The following CADPS variants were observed in gnomAD, a reference collection of about 807,000 sequenced individuals.
The protein encoded by CADPS is calcium-dependent secretion activator 1.
A neutral mutation model predicts 167.3 loss-of-function variants in CADPS; 57 were observed. The observed-to-expected ratio is 0.34, with a 90% CI of 0.28 to 0.42. The LOEUF is 0.42. Ranked by LOEUF, CADPS falls within the 20% of genes least tolerant of loss-of-function variation. CADPS has a pLI of 1.00. For synonymous variants in CADPS, 676 were observed against 635.3 expected (o/e 1.06, Z -0.96); for missense variants, 1,414 against 1,738.1 (o/e 0.81, Z 3.32).
chr3:62,726,618 A>T (rs555790583), intron 3 of CADPS, among the ~76,000 whole-genome samples: 1 of 152,026 alleles, frequency 6.6e-6, no homozygotes, highest in African/African-American at 2.4e-5. Flanking sequence ...AAGATTGCTC[A>T]GTGTCTGGTT....
chr3:62,436,032 C>T (rs1318961796), intron 28 of CADPS, among the ~76,000 whole-genome samples: 1 of 152,070 alleles, frequency 6.6e-6, no homozygotes, highest in African/African-American at 2.4e-5. Context: ...AACAGTCAGG[C>T]AAGTCCAGTT....
rs908451734 is a variant in CADPS at position 62,841,409 on chromosome 3, C to G, written c.441+33180G>C. Among the ~76,000 whole-genome samples, 8 of 152,092 alleles carry G rather than the reference C, an allele frequency of 5.3e-5. 1 individual carries two copies. In the South Asian group the frequency reaches 6.2e-4, roughly 12 times the overall value. On this transcript the variant is annotated intron_variant, in intron 1 of 29. Coordinates refer to ENST00000383710, the MANE Select transcript of CADPS (RefSeq NM_003716.4). ...GTACTTATTTTGGCACTTGAGTCTG[C>G]AAAATACAAAGTATTTCATATTAAA... is the stretch of plus-strand genomic sequence containing the variant.
At chr3:62,598,666 T>A (rs1473824189) in intron 6 of CADPS, among the ~76,000 whole-genome samples, 1 of 152,156 alleles carries the variant, frequency 6.6e-6, no homozygotes, top group Non-Finnish European at 1.5e-5. Context: ...ACCTCCAGAG[T>A]TATAAATGAG....
intron 26 of CADPS, among the ~76,000 whole-genome samples, chr3:62,461,198 T>A (rs1390162476): frequency 6.6e-6 from 1 of 152,236 alleles, no homozygotes; most frequent in Non-Finnish European, 1.5e-5. Context: ...AAAATACATT[T>A]AAAGCACATA....
At position 62,809,188 on chromosome 3, in the gene CADPS, T is replaced by C. The variant is rs180958683; in HGVS notation, c.442-43204A>G. On this transcript the variant is annotated intron_variant, in intron 1 of 29. Transcript: ENST00000383710. ...AAATCCCAGCTCCCACTGTTGCTTTTCATACTTTCTAGATGTTAGTGATCT... is the reference window on the plus strand; with the variant it reads ...AAATCCCAGCTCCCACTGTTGCTTTCCATACTTTCTAGATGTTAGTGATCT... Among the ~76,000 whole-genome samples, 8 of 152,318 alleles carry C rather than the reference T, an allele frequency of 5.3e-5. No homozygotes were observed. In the East Asian group the frequency reaches 1.4e-3, roughly 26 times the overall value.
chr3:62,753,359 A>G lies in CADPS; in HGVS notation c.888+82T>C, dbSNP rs916556416. 1.3e-5 allele frequency: 14 copies of G among 1,074,010 alleles called. No individual in the cohort carries two copies. The African/African-American group carries it at 2.2e-4, about 17-fold the overall frequency. The allele number at this position is 1,074,010 out of a possible 1,614,324, so 66.5% of individuals were successfully genotyped here. A position where few individuals can be genotyped will look rare whatever the true frequency, so the allele number is the denominator to read the frequency against. On this transcript the variant is annotated intron_variant, in intron 3 of 29. Coordinates refer to ENST00000383710, the MANE Select transcript of CADPS (RefSeq NM_003716.4). The surrounding 1 kb of genome is among the most constrained non-coding windows in gnomAD (Gnocchi z 4.6). ...AATATAAGTTTTAATCCTTTTTTTA[A>G]AAAAATCAAGAAGTATCTCATAGAA...
rs576910766 is a variant in CADPS, at chr3:62,465,725, C to T, written c.3553-275G>A. Among the ~76,000 whole-genome samples, 9 of 152,250 alleles carry T rather than the reference C, an allele frequency of 5.9e-5. No individual in the cohort carries two copies. The South Asian group carries it at 1.2e-3, about 21-fold the overall frequency. ...ATATTATTGAGTTGCATATAGCATG[C>T]GATAATATTAAATGCACTTTTTAAA... On this transcript the variant is annotated intron_variant, in intron 25 of 29. Coordinates refer to ENST00000383710, the MANE Select transcript of CADPS (RefSeq NM_003716.4). This position sits in a 1 kb window ranked among gnomAD's most constrained non-coding sequence, Gnocchi z 4.1.
chr3:62,698,757 T>TAC (rs1554088701), intron 3 of CADPS, among the ~76,000 whole-genome samples: 1 of 79,358 alleles, frequency 1.3e-5, no homozygotes, highest in Non-Finnish European at 2.4e-5. Context: ...TTTTTTTTTT[T>TAC]CAGACAGGGT....
chr3:62,512,866 T>C, intron 16 of CADPS, 98 bp from the exon 17 acceptor site: 1 of 964,622 alleles, frequency 1.0e-6, no homozygotes. Context: ...CCCCCACTTA[T>C]GTGTGATACA....
intron 1 of CADPS, among the ~76,000 whole-genome samples, chr3:62,850,845 CGTT>C (rs1285920907): frequency 1.3e-5 from 2 of 151,396 alleles, no homozygotes; most frequent in Non-Finnish European, 2.9e-5. Context: ...CTTTCTGTCT[CGTT>C]GATCTGTCTA....
intron 1 of CADPS, among the ~76,000 whole-genome samples, chr3:62,842,013 AAAACT>A (rs1439645949): frequency 6.6e-6 from 1 of 152,198 alleles, no homozygotes; most frequent in Admixed American, 6.5e-5. Flanking sequence ...TCCTCAAACT[AAAACT>A]AAACATTAAA....
intron 4 of CADPS, among the ~76,000 whole-genome samples, chr3:62,660,241 T>C (rs1436063798): frequency 6.6e-6 from 1 of 152,266 alleles, no homozygotes; most frequent in African/African-American, 2.4e-5. Context: ...GTGTGTGATT[T>C]TTATTTAGAT....
intron 3 of CADPS, among the ~76,000 whole-genome samples, chr3:62,671,576 A>T (rs766807884): frequency 6.6e-6 from 1 of 152,038 alleles, no homozygotes; most frequent in African/African-American, 2.4e-5. Flanking sequence ...CCAGGCTCCC[A>T]TCATCTCCAT....
At chr3:62,599,868 A>AT (rs2059677607) in intron 6 of CADPS, among the ~76,000 whole-genome samples, 1 of 58,760 alleles carries the variant, frequency 1.7e-5, no homozygotes, top group Admixed American at 3.0e-4. Flanking sequence ...TATAATATAT[A>AT]ATAATATATA....
chr3:62,456,995 G>A lies in CADPS; in HGVS notation c.3636+8372C>T, dbSNP rs563972156. Reference sequence around the variant, plus strand: ...ACCAGAAAGTCTAGAAAGTTCCTTCGATTGAATGCACTCTAGACACTAACT... The same window carrying A: ...ACCAGAAAGTCTAGAAAGTTCCTTCAATTGAATGCACTCTAGACACTAACT... On this transcript the variant is annotated intron_variant, in intron 26 of 29. Transcript: ENST00000383710. Among the ~76,000 whole-genome samples, 30 of 152,130 alleles carry A rather than the reference G, an allele frequency of 2.0e-4. No individual in the cohort carries two copies. In the South Asian group the frequency reaches 5.8e-3, roughly 29 times the overall value.
chr3:62,610,503 G>A (rs956347114), intron 6 of CADPS, among the ~76,000 whole-genome samples: 10 of 152,174 alleles, frequency 6.6e-5, no homozygotes, highest in Admixed American at 1.3e-4. Flanking sequence ...CACCCACCTC[G>A]GCCTCCCAAA....
In CADPS at chr3:62,416,635, G is replaced by C. The variant is rs532877039; in HGVS notation, c.3778-13450C>G. On this transcript the variant is annotated intron_variant, in intron 28 of 29. Coordinates refer to ENST00000383710, the MANE Select transcript of CADPS (RefSeq NM_003716.4). ...CGAACAATGCCCAATAAAAAGAAAA[G>C]AACATGTGTACATCAGAGACCAGCA... Among the ~76,000 whole-genome samples, 4 of 152,242 alleles carry C rather than the reference G, an allele frequency of 2.6e-5. No individual in the cohort carries two copies. The East Asian group carries it at 7.7e-4, about 29-fold the overall frequency.
intron 13 of CADPS, among the ~76,000 whole-genome samples, chr3:62,529,158 T>G (rs1245875226): frequency 1.3e-5 from 2 of 151,932 alleles, no homozygotes; most frequent in African/African-American, 4.8e-5. Context: ...CGAGACTTCA[T>G]CTCAAAAAAA....
At chr3:62,507,366 T>C (rs914375510) in intron 17 of CADPS, among the ~76,000 whole-genome samples, 5 of 152,142 alleles carry the variant, frequency 3.3e-5, no homozygotes, top group Non-Finnish European at 7.4e-5. Flanking sequence ...TTGTTCCCTT[T>C]ACTATCATCA....
Sources: gnomAD v4.1 joint callset for allele counts (sites outside exome capture counted in the v4.1 genomes callset) on GRCh38, gnomAD v4.1.1 for gene constraint, Gnocchi (gnomAD v3.1) non-coding constraint, MANE v1.5 for transcripts, NCBI Gene and HGNC (gene_info 2026-07-23, HGNC 2026-07-21) for gene names.